The following MFSD1 variants were observed in gnomAD, a reference collection of about 807,000 sequenced individuals.
The protein encoded by MFSD1 is lysosomal dipeptide transporter MFSD1.
Under a neutral mutation model 67.1 loss-of-function variants are expected in MFSD1, and 59 were observed. The ratio of observed to expected loss-of-function variants is 0.88; its 90% CI spans 0.71 to 1.09. The LOEUF (loss-of-function observed/expected upper bound fraction) is 1.09. Ranked by LOEUF, MFSD1 falls within the 50% of genes least tolerant of loss-of-function variation. The probability of loss-of-function intolerance (pLI) is 0.00; values close to 1 mark genes in which losing one functional copy is unlikely to be tolerated. For missense variants in MFSD1, 552 were observed against 566.1 expected, an observed-to-expected ratio of 0.97 and a Z score of 0.25; for synonymous variants, 213 against 200.3, an observed-to-expected ratio of 1.06 and a Z score of -0.54.
chr3:158,826,834 A>C (rs1479611846), intron 14 of MFSD1, among the ~76,000 whole-genome samples: 1 of 151,788 alleles, frequency 6.6e-6, no homozygotes, highest in East Asian at 1.9e-4. Flanking sequence ...CAGCCAGCTA[A>C]TTTTAAAATT....
chr3:158,803,563 A>G (rs879660961), intron 1 of MFSD1, among the ~76,000 whole-genome samples: 8 of 152,198 alleles, frequency 5.3e-5, no homozygotes, highest in African/African-American at 7.2e-5. Context: ...AGAATTCAGA[A>G]GCCAGATTCA....
chr3:158,827,440 T>G, intron 15 of MFSD1, 103 bp downstream of exon 15: 4 of 571,612 alleles, frequency 7.0e-6, no homozygotes, highest in East Asian at 3.4e-5. Context: ...TTTTTTTTGA[T>G]TCCCATGCTT....
chr3:158,820,189 A>T, intron 8 of MFSD1, 26 bp from the exon 9 acceptor site: 1 of 1,321,954 alleles, frequency 7.6e-7, no homozygotes, highest in Non-Finnish European at 1.1e-6. Context: ...AATTATGCTG[A>T]TAGTGTCTTC....
Position 158,822,358 on chromosome 3 carries a change from C to T in MFSD1, c.1077+218C>T, listed in dbSNP as rs570443462. On this transcript the variant is annotated intron_variant, in intron 11 of 15. Transcript: ENST00000415822. ...TTTAATTTCATTTGATTTATTTAAC[C>T]AGTTAACTTCAGTGCTGAAAGAGAA... 13 of 300,328 alleles carry T rather than the reference C, an allele frequency of 4.3e-5. No individual in the cohort carries two copies. In the South Asian group the frequency reaches 1.6e-3, roughly 36 times the overall value. 18.6% of individuals were successfully genotyped at this position (300,328 alleles called of 1,614,324 possible).
chr3:158,809,077 C>T, intron 5 of MFSD1, 102 bp from the exon 6 acceptor site: 1 of 800,780 alleles, frequency 1.2e-6, no homozygotes, highest in Non-Finnish European at 1.9e-6. Context: ...GGCCCCATCT[C>T]TTGATAGGAG....
At chr3:158,817,769 G>A (rs928861086) in intron 7 of MFSD1, among the ~76,000 whole-genome samples, 2 of 152,118 alleles carry the variant, frequency 1.3e-5, no homozygotes, top group African/African-American at 2.4e-5. Flanking sequence ...CGTATGGAAC[G>A]AAAAAAGAGC....
chr3:158,807,573 A>G (rs1729792592), intron 5 of MFSD1, 110 bp downstream of exon 5: 1 of 876,322 alleles, frequency 1.1e-6, no homozygotes, highest in African/African-American at 1.7e-5. Context: ...CAAATCTTTG[A>G]AACCTAGCTT....
chr3:158,804,277 A>G (rs768602057), intron 1 of MFSD1, 42 bp from the exon 2 acceptor site: 15 of 1,442,716 alleles, frequency 1.0e-5, no homozygotes, highest in Admixed American at 2.1e-5. Flanking sequence ...AAACTTTTAT[A>G]TGGGAAGTAT....
chr3:158,829,010 T>G lies in MFSD1; in HGVS notation c.*28T>G. The G allele has an allele frequency of 1.9e-6, 3 of 1,598,794 alleles. No homozygotes were observed. The highest frequency in any genetic ancestry group is 1.7e-5 in the Admixed American group (1 of 57,804). On this transcript the variant is annotated 3_prime_UTR_variant, in exon 16 of 16. Coordinates refer to ENST00000415822, the MANE Select transcript of MFSD1 (RefSeq NM_022736.4). ...AGTTAAAATGAATGTGTCATGAGAA[T>G]GGGCTTAACACATCGTTGGTTTGAA...
chr3:158,813,883 C>A, intron 6 of MFSD1, 82 bp from the exon 7 acceptor site: 1 of 866,834 alleles, frequency 1.2e-6, no homozygotes, highest in South Asian at 2.0e-5. Context: ...TACTTCTGAG[C>A]CACCTCAAAT....
chr3:158,812,513 C>T (rs1244448370), intron 6 of MFSD1, among the ~76,000 whole-genome samples: 1 of 152,184 alleles, frequency 6.6e-6, no homozygotes, highest in East Asian at 1.9e-4. Flanking sequence ...AGATTCCCTT[C>T]TAGAAACTCA....
At chr3:158,821,765 G>A (rs776582597) in intron 10 of MFSD1, 112 bp downstream of exon 10, 39 of 1,047,226 alleles carry the variant, frequency 3.7e-5, no homozygotes, top group South Asian at 2.2e-4. Context: ...TTTTAAGTGC[G>A]AAACTGGGAC....
At chr3:158,811,327 C>A (rs369290110) in intron 6 of MFSD1, among the ~76,000 whole-genome samples, 1 of 152,138 alleles carries the variant, frequency 6.6e-6, no homozygotes. Context: ...GGGTTTTGGT[C>A]GTGTTAGGTT....
intron 3 of MFSD1, among the ~76,000 whole-genome samples, chr3:158,806,253 T>C (rs1334567622): frequency 6.6e-6 from 1 of 152,186 alleles, no homozygotes; most frequent in African/African-American, 2.4e-5. Flanking sequence ...TTTTTTGATC[T>C]CAAGAGAGAG....
intron 9 of MFSD1, 52 bp downstream of exon 9, chr3:158,820,378 TC>T (rs1730611119): frequency 2.5e-6 from 3 of 1,220,456 alleles, no homozygotes; most frequent in Non-Finnish European, 3.6e-6. Context: ...TCATGAGAGT[TC>T]AATCACATAA....
chr3:158,820,448 AATTAC>A, intron 9 of MFSD1, 122 bp downstream of exon 9: 1 of 654,846 alleles, frequency 1.5e-6, no homozygotes, highest in Non-Finnish European at 2.7e-6. Context: ...TTTTCACAGG[AATTAC>A]TTTAGATCCT....
intron 9 of MFSD1, 96 bp downstream of exon 9, chr3:158,820,422 C>G (rs1363823129): frequency 6.3e-6 from 5 of 793,594 alleles, no homozygotes; most frequent in Non-Finnish European, 1.1e-5. Flanking sequence ...TCTTGCTTCT[C>G]TGGTTATAGT....
At position 158,820,094 on chromosome 3, in the gene MFSD1, A is replaced by T. The variant is rs939118143; in HGVS notation, c.752-121A>T. ...TGTTTGTGTAATTTACTAGAAAAGT[A>T]TTTTTTTAAGTTGAATTGCAAAGAT... On this transcript the variant is annotated intron_variant, in intron 8 of 15. Coordinates refer to ENST00000415822, the MANE Select transcript of MFSD1 (RefSeq NM_022736.4). The T allele has an allele frequency of 9.9e-6, 6 of 605,024 alleles. No homozygotes were observed. In the African/African-American group the frequency reaches 1.1e-4, roughly 11 times the overall value. 37.5% of individuals were successfully genotyped at this position (605,024 alleles called of 1,614,324 possible).
rs1730678452 is a variant in MFSD1 at position 158,821,633 on chromosome 3, G to A, written c.900G>A (p.Gln300=). The part of the protein sequence containing the change: ...FFTEKFGFSS[Q]AASAINSVVY... ...CAGAGAAATTTGGATTTTCTTCCCA[G>A]GCAGCAAGTGCAATTAACAGGTATT... The change falls in exon 10 of 16, where the codon CAG becomes CAA. Residue 300 remains glutamine, a synonymous_variant. Transcript: ENST00000415822. The A allele has an allele frequency of 6.2e-7, 1 of 1,610,172 alleles. No homozygotes were observed. Among genetic ancestry groups the A allele is most frequent in the Non-Finnish European group, 8.5e-7 (1 of 1,177,956 alleles).
Sources: gnomAD v4.1 joint callset for allele counts (sites outside exome capture counted in the v4.1 genomes callset) on GRCh38, gnomAD v4.1.1 for gene constraint, MANE v1.5 for transcripts, NCBI Gene and HGNC (gene_info 2026-07-23, HGNC 2026-07-21) for gene names.